The following TMEM143 variants were observed in gnomAD, a reference collection of about 807,000 sequenced individuals.
TMEM143 encodes transmembrane protein 143.
Under a neutral mutation model 40.3 loss-of-function variants are expected in TMEM143, and 45 were observed. The observed-to-expected ratio is 1.12, with a 90% CI of 0.88 to 1.43. TMEM143 has a LOEUF of 1.43. Ranked by LOEUF, TMEM143 falls within the 40% of genes most tolerant of loss-of-function variation. The probability of loss-of-function intolerance (pLI) is 0.00; values close to 1 mark genes in which losing one functional copy is unlikely to be tolerated. For synonymous variants in TMEM143, 299 were observed against 282.7 expected, an observed-to-expected ratio of 1.06 and a Z score of -0.58; for missense variants, 620 against 613.4, an observed-to-expected ratio of 1.01 and a Z score of -0.11.
intron 1 of TMEM143, 50 bp downstream of exon 1, chr19:48,363,848 G>T: frequency 6.2e-7 from 1 of 1,612,392 alleles, no homozygotes; most frequent in Non-Finnish European, 8.5e-7. Flanking sequence ...TTACCTAGGG[G>T]GTGCAGGGCC....
Position 48,352,158 on chromosome 19 carries a change from A to G in TMEM143, c.370-6804T>C, listed in dbSNP as rs1010091780. Among the ~76,000 whole-genome samples the G allele has an allele frequency of 8.6e-5, 12 of 140,102 alleles. No individual in the cohort carries two copies. The Admixed American group carries it at 9.6e-4, about 11-fold the overall frequency. 91.9% of individuals were successfully genotyped at this position (140,102 alleles called of 152,430 possible). A position where few individuals can be genotyped will look rare whatever the true frequency, so the allele number is the denominator to read the frequency against. ...GCTACTCGGGAGGCTGAGGCAGGAGAATGGTGTGAACCCGGGAGGCGGAGC... is the reference window on the plus strand; with the variant it reads ...GCTACTCGGGAGGCTGAGGCAGGAGGATGGTGTGAACCCGGGAGGCGGAGC... On this transcript the variant is annotated intron_variant, in intron 3 of 7. Transcript: ENST00000293261.
chr19:48,342,885 T>C lies in TMEM143; in HGVS notation c.696-76A>G, dbSNP rs1969534830. On this transcript the variant is annotated intron_variant, in intron 5 of 7. Coordinates refer to ENST00000293261, the MANE Select transcript of TMEM143 (RefSeq NM_018273.4). The stretch of plus-strand genomic sequence containing the variant: ...GGAGCCCCCTCCAATCCTAGGACGC[T>C]CACTCTGGCTCTACAGTCGCACAAC... The C allele has an allele frequency of 1.5e-5, 22 of 1,477,736 alleles. No individual in the cohort carries two copies. In the South Asian group the frequency reaches 3.0e-4, roughly 20 times the overall value. 91.5% of individuals were successfully genotyped at this position (1,477,736 alleles called of 1,614,324 possible). A position where few individuals can be genotyped will look rare whatever the true frequency, so the allele number is the denominator to read the frequency against.
At position 48,363,163 on chromosome 19, in the gene TMEM143, G is replaced by A. The variant is rs2147393346; in HGVS notation, c.264+128C>T. The A allele has an allele frequency of 3.0e-6, 4 of 1,330,112 alleles. No homozygotes were observed. The East Asian group carries it at 1.0e-4, about 34-fold the overall frequency. The allele number at this position is 1,330,112 out of a possible 1,614,324, so 82.4% of individuals were successfully genotyped here. A position where few individuals can be genotyped will look rare whatever the true frequency, so the allele number is the denominator to read the frequency against. Reference sequence around the variant, plus strand: ...CATCTCCCGCCCACTAGGGAAACACGAAGGGACCCGGGAACTACAACTCCC... The same window carrying A: ...CATCTCCCGCCCACTAGGGAAACACAAAGGGACCCGGGAACTACAACTCCC... On this transcript the variant is annotated intron_variant, in intron 2 of 7. Coordinates refer to ENST00000293261, the MANE Select transcript of TMEM143 (RefSeq NM_018273.4).
rs763437652 is a variant in TMEM143, at chr19:48,342,544, G to C, written c.961C>G (p.Leu321Val). 3.1e-6 allele frequency: 5 copies of C among 1,609,126 alleles called. No homozygotes were observed. The highest frequency in any genetic ancestry group is 3.4e-6 in the Non-Finnish European group (4 of 1,178,724). ...CGCATGCTCACCTTGGAGGCCCGCA[G>C]GCCCATGAAGATGGCGAAGAGCAGC... ...LLLLFAIFMG[L>V]RASKMFGQRR... The change falls in exon 6 of 8, where the codon CTG becomes GTG. Residue 321 changes from leucine to valine, a missense_variant. Coordinates refer to ENST00000293261, the MANE Select transcript of TMEM143 (RefSeq NM_018273.4).
chr19:48,359,478 G>A (rs1255701228), intron 3 of TMEM143, among the ~76,000 whole-genome samples: 28 of 74,750 alleles, frequency 3.7e-4, no homozygotes, highest in East Asian at 7.4e-4. Context: ...CACCCACCCC[G>A]TCTGAAACAG....
rs747613781 is a variant in TMEM143, at chr19:48,342,791, C to A, written c.714G>T (p.Val238=). Reference sequence around the variant, plus strand: ...CCCGTTTGGTCCGGGCTGCCAGGACCACCCGCTTAAAGTATCTCCTGAGGG... The same window carrying A: ...CCCGTTTGGTCCGGGCTGCCAGGACAACCCGCTTAAAGTATCTCCTGAGGG... ...PPAERRYFKR[V]VLAARTKRGH... The change falls in exon 6 of 8, where the codon GTG becomes GTT. Residue 238 remains valine, a synonymous_variant. Transcript: ENST00000293261. 23 of 1,606,302 alleles carry A rather than the reference C, an allele frequency of 1.4e-5. No homozygotes were observed. Among genetic ancestry groups the A allele is most frequent in the Non-Finnish European group, 8.5e-7 (1 of 1,173,940 alleles).
chr19:48,342,288 GAGGA>G (rs1225159663), intron 6 of TMEM143, among the ~76,000 whole-genome samples: 5 of 144,444 alleles, frequency 3.5e-5, no homozygotes, highest in Non-Finnish European at 7.6e-5. Flanking sequence ...GGAAGGGAGG[GAGGA>G]AGGAAGGAAG....
intron 2 of TMEM143, 33 bp downstream of exon 2, chr19:48,363,258 T>C: frequency 6.3e-7 from 1 of 1,581,056 alleles, no homozygotes; most frequent in Non-Finnish European, 8.6e-7. Flanking sequence ...GGAGCCGTAG[T>C]CCCCAGGCTC....
At chr19:48,353,366 T>G (rs925638292) in intron 3 of TMEM143, among the ~76,000 whole-genome samples, 1 of 151,360 alleles carries the variant, frequency 6.6e-6, no homozygotes, top group Non-Finnish European at 1.5e-5. Flanking sequence ...TGTATTTTAG[T>G]AGAGACGGGT....
chr19:48,338,715 G>C (rs2147358542), intron 6 of TMEM143, among the ~76,000 whole-genome samples: 1 of 152,266 alleles, frequency 6.6e-6, no homozygotes, highest in East Asian at 1.9e-4. Flanking sequence ...TCGGGCTGCT[G>C]CATCTCAGGG....
At chr19:48,347,908 C>A (rs1600910978) in intron 3 of TMEM143, among the ~76,000 whole-genome samples, 1 of 149,198 alleles carries the variant, frequency 6.7e-6, no homozygotes, top group Non-Finnish European at 1.5e-5. Flanking sequence ...GTGGTCCCAG[C>A]TACTTGGGAG....
chr19:48,348,470 C>A (rs1417070880), intron 3 of TMEM143, among the ~76,000 whole-genome samples: 8 of 152,162 alleles, frequency 5.3e-5, no homozygotes, highest in Admixed American at 5.2e-4. Flanking sequence ...ATAGTCTCCC[C>A]AAATCCTGTA....
intron 6 of TMEM143, among the ~76,000 whole-genome samples, chr19:48,342,152 AAGGG>A (rs74183387): frequency 1.1e-5 from 1 of 89,582 alleles, no homozygotes; most frequent in Non-Finnish European, 2.1e-5. Context: ...AACAGGAAGG[AAGGG>A]AGGGAGGGAG....
At chr19:48,359,535 T>TC (rs1398606433) in intron 3 of TMEM143, among the ~76,000 whole-genome samples, 2 of 51,664 alleles carry the variant, frequency 3.9e-5, no homozygotes, top group East Asian at 1.6e-3. Context: ...TGAGACAGAG[T>TC]TTCCTCAGTC....
intron 3 of TMEM143, among the ~76,000 whole-genome samples, chr19:48,353,801 A>G (rs1300393307): frequency 3.3e-5 from 5 of 151,842 alleles, no homozygotes; most frequent in Admixed American, 3.3e-4. Context: ...CACATAGGAC[A>G]CCGAGAAGGC....
intron 2 of TMEM143, among the ~76,000 whole-genome samples, chr19:48,361,822 C>G (rs908456065): frequency 1.3e-5 from 2 of 151,672 alleles, no homozygotes; most frequent in Admixed American, 1.3e-4. Context: ...CCACCGCGCC[C>G]GGCCTTGAAC....
chr19:48,363,234 C>T, intron 2 of TMEM143, 57 bp downstream of exon 2: 1 of 1,550,916 alleles, frequency 6.4e-7, no homozygotes, highest in Non-Finnish European at 8.7e-7. Context: ...GCCCTGCCGC[C>T]GCGAAGCCTG....
chr19:48,340,402 G>A (rs1969463252), intron 6 of TMEM143, among the ~76,000 whole-genome samples: 2 of 152,184 alleles, frequency 1.3e-5, no homozygotes, highest in Admixed American at 6.5e-5. Flanking sequence ...TGGGATTATA[G>A]GTGTGAGCCA....
Position 48,360,168 on chromosome 19 carries a change from G to C in TMEM143, c.273C>G (p.His91Gln), listed in dbSNP as rs1471540915. Residue 91 changes from histidine (H) to glutamine (Q), a missense_variant, in exon 3 of 8, where the codon CAC becomes CAG. Coordinates refer to ENST00000293261, the MANE Select transcript of TMEM143 (RefSeq NM_018273.4). ...QLLRLLIQEF[H>Q]SSPAEKAALE... ...AAGCCGCCTTCTCTGCCGGACTCGA[G>C]TGGAATTCCTGTTACCTCAGGAAGC... 1 of 1,613,970 alleles carries C rather than the reference G, an allele frequency of 6.2e-7. No individual in the cohort carries two copies. The highest frequency in any genetic ancestry group is 8.5e-7 in the Non-Finnish European group (1 of 1,179,990).
Sources: gnomAD v4.1 joint callset for allele counts (sites outside exome capture counted in the v4.1 genomes callset) on GRCh38, gnomAD v4.1.1 for gene constraint, MANE v1.5 for transcripts, NCBI Gene and HGNC (gene_info 2026-07-23, HGNC 2026-07-21) for gene names.